Variants in ST6GALNAC3 observed in about 807,000 individuals in gnomAD.
ST6GALNAC3 encodes ST6 N-acetylgalactosaminide alpha-2,6-sialyltransferase 3.
A neutral mutation model predicts 32.7 loss-of-function variants in ST6GALNAC3; 25 were observed. The ratio of observed to expected loss-of-function variants is 0.76; its 90% CI spans 0.56 to 1.07. The LOEUF is 1.07. Ranked by LOEUF, ST6GALNAC3 falls within the 50% of genes least tolerant of loss-of-function variation. The pLI is 0.00. For missense variants in ST6GALNAC3, 355 were observed against 382.4 expected, an observed-to-expected ratio of 0.93 and a Z score of 0.60; for synonymous variants, 129 against 133.1, an observed-to-expected ratio of 0.97 and a Z score of 0.21.
chr1:76,348,542 C>A (rs1203380002), intron 2 of ST6GALNAC3, among the ~76,000 whole-genome samples: 2 of 152,168 alleles, frequency 1.3e-5, no homozygotes, highest in African/African-American at 4.8e-5. Context: ...CAGAGCAAGG[C>A]TACAGAAATT....
intron 3 of ST6GALNAC3, among the ~76,000 whole-genome samples, chr1:76,584,712 A>G (rs572369985): frequency 1.3e-5 from 2 of 152,360 alleles, no homozygotes; most frequent in South Asian, 2.1e-4. Flanking sequence ...GGAAACTGGC[A>G]TGAGTCATGC....
chr1:76,518,660 C>T (rs1399309931), intron 3 of ST6GALNAC3, among the ~76,000 whole-genome samples: 1 of 152,116 alleles, frequency 6.6e-6, no homozygotes, highest in African/African-American at 2.4e-5. Context: ...TTTCTTTCTA[C>T]TTCCCTGCCC....
At chr1:76,141,927 TATACTCACAAG>T (rs1650352467) in intron 1 of ST6GALNAC3, among the ~76,000 whole-genome samples, 1 of 152,160 alleles carries the variant, frequency 6.6e-6, no homozygotes. Flanking sequence ...CAGGGAGGAA[TATACTCACAAG>T]ACAAAGTCCT....
intron 1 of ST6GALNAC3, among the ~76,000 whole-genome samples, chr1:76,136,803 C>A (rs972216177): frequency 6.6e-6 from 1 of 152,174 alleles, no homozygotes; most frequent in Admixed American, 6.5e-5. Context: ...TTTGGATTTG[C>A]AGCCTTTATC....
intron 1 of ST6GALNAC3, among the ~76,000 whole-genome samples, chr1:76,289,067 G>A (rs36115631): frequency 0.097 from 14,701 of 152,110 alleles, 937 homozygotes; most frequent in East Asian, 0.27. Flanking sequence ...AATAAAAGCA[G>A]GTTTGTTCTT....
At chr1:76,143,392 C>CATGTGTGTGT (rs10660490) in intron 1 of ST6GALNAC3, among the ~76,000 whole-genome samples, 1 of 142,350 alleles carries the variant, frequency 7.0e-6, no homozygotes, top group Non-Finnish European at 1.5e-5. Flanking sequence ...CTTACCAAGT[C>CATGTGTGTGT]GTGTGTGTGT....
At chr1:76,175,072 T>C (rs895896455) in intron 1 of ST6GALNAC3, among the ~76,000 whole-genome samples, 2 of 152,240 alleles carry the variant, frequency 1.3e-5, no homozygotes, top group South Asian at 4.1e-4. Flanking sequence ...ATCTGATTTT[T>C]CTTTATTGTA....
chr1:76,602,727 T>C (rs1647291726), intron 3 of ST6GALNAC3, among the ~76,000 whole-genome samples: 1 of 152,058 alleles, frequency 6.6e-6, no homozygotes, highest in African/African-American at 2.4e-5. Flanking sequence ...AATTAATGTA[T>C]TGGTTTTTTA....
At chr1:76,290,926 G>C (rs1414818325) in intron 1 of ST6GALNAC3, among the ~76,000 whole-genome samples, 4 of 152,088 alleles carry the variant, frequency 2.6e-5, no homozygotes, top group Admixed American at 1.3e-4. Flanking sequence ...CCTATTTACC[G>C]AGCGAGCTGT....
rs1234038550 is a variant in ST6GALNAC3, at chr1:76,469,628, A to T, written c.623+57211A>T. ...AAGATTCACAATGAATAACACCAGG[A>T]GGCTTATGAATGATGTATAAAGCCA... On this transcript the variant is annotated intron_variant, in intron 3 of 4. Coordinates refer to ENST00000328299, the MANE Select transcript of ST6GALNAC3 (RefSeq NM_152996.4). Among the ~76,000 whole-genome samples the T allele has an allele frequency of 3.3e-5, 5 of 152,096 alleles. No homozygotes were observed. The East Asian group carries it at 9.6e-4, about 29-fold the overall frequency.
At chr1:76,123,018 T>C (rs1321725752) in intron 1 of ST6GALNAC3, among the ~76,000 whole-genome samples, 4 of 152,200 alleles carry the variant, frequency 2.6e-5, no homozygotes, top group Non-Finnish European at 5.9e-5. Flanking sequence ...CCCAGATCTC[T>C]TGAATCCAGA....
chr1:76,353,186 C>G (rs928249617), intron 2 of ST6GALNAC3, among the ~76,000 whole-genome samples: 8 of 152,204 alleles, frequency 5.3e-5, no homozygotes, highest in Non-Finnish European at 8.8e-5. Flanking sequence ...CATCTCCTCT[C>G]CAGCCACCCT....
intron 3 of ST6GALNAC3, among the ~76,000 whole-genome samples, chr1:76,518,757 G>C (rs1662325924): frequency 1.3e-5 from 2 of 152,080 alleles, no homozygotes; most frequent in South Asian, 4.2e-4. Context: ...TTATTTCCTG[G>C]AAATTGCCCT....
intron 1 of ST6GALNAC3, among the ~76,000 whole-genome samples, chr1:76,191,386 G>A (rs1653888468): frequency 6.6e-6 from 1 of 152,118 alleles, no homozygotes; most frequent in African/African-American, 2.4e-5. Flanking sequence ...TGGGAGGCGA[G>A]GAGGATGGGG....
chr1:76,290,768 G>C (rs973539374), intron 1 of ST6GALNAC3, among the ~76,000 whole-genome samples: 1 of 152,144 alleles, frequency 6.6e-6, no homozygotes, highest in African/African-American at 2.4e-5. Flanking sequence ...TAACATCCCT[G>C]GGGTGGCCCT....
intron 3 of ST6GALNAC3, among the ~76,000 whole-genome samples, chr1:76,620,817 AC>A (rs1390595717): frequency 2.0e-5 from 3 of 152,186 alleles, no homozygotes; most frequent in African/African-American, 7.2e-5. Flanking sequence ...TGGTTAAGGA[AC>A]CGGCCACTGA....
At chr1:76,389,375 T>G (rs765554611) in intron 2 of ST6GALNAC3, among the ~76,000 whole-genome samples, 2 of 152,088 alleles carry the variant, frequency 1.3e-5, no homozygotes, top group African/African-American at 4.8e-5. Context: ...TGGAGCCACA[T>G]GAAGAGTTTT....
At chr1:76,531,968 C>T (rs908386856) in intron 3 of ST6GALNAC3, among the ~76,000 whole-genome samples, 1 of 152,176 alleles carries the variant, frequency 6.6e-6, no homozygotes, top group Non-Finnish European at 1.5e-5. Flanking sequence ...ACTAGCCAAA[C>T]ACAGCTGCAC....
At chr1:76,366,976 A>G (rs142046031) in intron 2 of ST6GALNAC3, among the ~76,000 whole-genome samples, 11 of 152,322 alleles carry the variant, frequency 7.2e-5, no homozygotes, top group African/African-American at 2.6e-4. Context: ...TCAGTGTCAG[A>G]AAATGACAGT....
Sources: gnomAD v4.1 joint callset for allele counts (sites outside exome capture counted in the v4.1 genomes callset) on GRCh38, gnomAD v4.1.1 for gene constraint, MANE v1.5 for transcripts, NCBI Gene and HGNC (gene_info 2026-07-23, HGNC 2026-07-21) for gene names.